The following DCAF1 variants were observed in gnomAD, a reference collection of about 807,000 sequenced individuals.
The protein encoded by DCAF1 is DDB1 and CUL4 associated factor 1, also known as DDB1- and CUL4-associated factor 1.
A neutral mutation model predicts 128.0 loss-of-function variants in DCAF1; 15 were observed. The ratio of observed to expected loss-of-function variants is 0.12; its 90% CI spans 0.08 to 0.18. The LOEUF is 0.18. Ranked by LOEUF, DCAF1 falls within the 10% of genes least tolerant of loss-of-function variation. DCAF1 has a pLI of 1.00. For missense variants in DCAF1, 988 were observed against 1,649.5 expected (o/e 0.60, Z 6.95); for synonymous variants, 610 against 603.0 (o/e 1.01, Z -0.17).
At chr3:51,441,121 T>C (rs1553638537) in intron 8 of DCAF1, 50 bp from the exon 9 acceptor site, 2 of 1,483,624 alleles carry the variant, frequency 1.3e-6, no homozygotes, top group Admixed American at 1.9e-5. Flanking sequence ...TATTGTCATG[T>C]ATTTCCTATT....
At chr3:51,408,662 A>G (rs1249882758) in intron 23 of DCAF1, among the ~76,000 whole-genome samples, 1 of 152,326 alleles carries the variant, frequency 6.6e-6, no homozygotes, top group South Asian at 2.1e-4. Context: ...CCACCACAAG[A>G]TTCTAGAAGG....
At chr3:51,469,965 G>A (rs911805843) in intron 4 of DCAF1, among the ~76,000 whole-genome samples, 1 of 152,142 alleles carries the variant, frequency 6.6e-6, no homozygotes, top group Non-Finnish European at 1.5e-5. Context: ...TGGTTGCAGT[G>A]AGCCAAGATC....
At position 51,441,853 on chromosome 3, in the gene DCAF1, T is replaced by C. The variant is rs782230732; in HGVS notation, c.558A>G (p.Glu186=). ...LRRLRELQLQ[E]VALRQENKRP... ...GCTTGTTTTCCTGCCGCAAAGCCAC[T>C]TCCTGTAGCTGTAGCTCCCTCAGTC... is the stretch of plus-strand genomic sequence containing the variant. The change falls in exon 8 of 25, where the codon GAA becomes GAG. Residue 186 remains glutamate (E), a synonymous_variant. Transcript: ENST00000684031. 7 of 1,612,292 alleles carry C rather than the reference T, an allele frequency of 4.3e-6. No individual in the cohort carries two copies. In the South Asian group the frequency reaches 6.6e-5, roughly 15 times the overall value.
chr3:51,479,950 T>C (rs1392559091), intron 3 of DCAF1, among the ~76,000 whole-genome samples: 1 of 151,760 alleles, frequency 6.6e-6, no homozygotes, highest in Non-Finnish European at 1.5e-5. Context: ...GAGACCAACG[T>C]AGAAGGAACA....
chr3:51,459,362 A>G (rs1703287217), intron 6 of DCAF1, among the ~76,000 whole-genome samples: 1 of 152,222 alleles, frequency 6.6e-6, no homozygotes, highest in Non-Finnish European at 1.5e-5. Flanking sequence ...ACCAGGAAGA[A>G]GTTGAATCTC....
At chr3:51,429,040 T>C (rs1355243322) in intron 12 of DCAF1, among the ~76,000 whole-genome samples, 4 of 152,150 alleles carry the variant, frequency 2.6e-5, no homozygotes, top group African/African-American at 4.8e-5. Flanking sequence ...CTTCAGTTAA[T>C]CTTTTAGTTC....
intron 6 of DCAF1, among the ~76,000 whole-genome samples, chr3:51,456,038 G>C (rs1020897132): frequency 6.6e-6 from 1 of 152,204 alleles, no homozygotes; most frequent in East Asian, 1.9e-4. Flanking sequence ...TCATCTCACT[G>C]GGGAGTGCCA....
intron 3 of DCAF1, among the ~76,000 whole-genome samples, chr3:51,474,124 AATTAAACTCTCCTGGCCGG>A (rs1486920946): frequency 6.6e-6 from 1 of 151,896 alleles, no homozygotes; most frequent in African/African-American, 2.4e-5. Context: ...CAGTCTTAAG[AATTAAACTCTCCTGGCCGG>A]CGCCGTGGCT....
At chr3:51,414,065 A>G (rs782772932) in intron 19 of DCAF1, 22 bp from the exon 20 acceptor site, 10 of 1,569,624 alleles carry the variant, frequency 6.4e-6, no homozygotes, top group East Asian at 2.3e-5. Flanking sequence ...ATGGTCAAGG[A>G]AAACTATTTT....
chr3:51,495,943 A>AT (rs1553660614), intron 2 of DCAF1, among the ~76,000 whole-genome samples: 1 of 151,766 alleles, frequency 6.6e-6, no homozygotes, highest in African/African-American at 2.4e-5. Context: ...GCAGTGAGCC[A>AT]TAACTGCACC....
At chr3:51,417,816 G>A (rs1223338020) in intron 17 of DCAF1, among the ~76,000 whole-genome samples, 26 of 150,960 alleles carry the variant, frequency 1.7e-4, no homozygotes, top group African/African-American at 5.6e-4. Flanking sequence ...GGGAGGGGAG[G>A]GGAGAGGAGA....
At chr3:51,443,370 C>T (rs918135099) in intron 7 of DCAF1, among the ~76,000 whole-genome samples, 1 of 152,108 alleles carries the variant, frequency 6.6e-6, no homozygotes, top group Non-Finnish European at 1.5e-5. Flanking sequence ...GCAGGTGGAT[C>T]ATGAGGTCAG....
At chr3:51,474,616 T>G (rs1705203597) in intron 3 of DCAF1, among the ~76,000 whole-genome samples, 1 of 151,758 alleles carries the variant, frequency 6.6e-6, no homozygotes, top group African/African-American at 2.4e-5. Context: ...GTTTTTTTTT[T>G]TTTAATGTTT....
intron 2 of DCAF1, among the ~76,000 whole-genome samples, chr3:51,493,252 C>A (rs1707863220): frequency 1.3e-5 from 2 of 151,666 alleles, no homozygotes; most frequent in African/African-American, 4.8e-5. Context: ...TTAAGACCAG[C>A]CTGACCAACA....
chr3:51,403,214 A>C lies in DCAF1; in HGVS notation c.4394T>G (p.Leu1465Arg). The C allele has an allele frequency of 6.2e-7, 1 of 1,613,816 alleles. No homozygotes were observed. Among genetic ancestry groups the C allele is most frequent in the Non-Finnish European group, 8.5e-7 (1 of 1,179,850 alleles). ...SPSDEELANL[L>R]EEGEDGEDED... ...ATCCTCCCCGTCCTCTCCCTCCTCTAGAAGGTTTGCTAGCTCCTCATCAGA... is the reference window on the plus strand; with the variant it reads ...ATCCTCCCCGTCCTCTCCCTCCTCTCGAAGGTTTGCTAGCTCCTCATCAGA... Residue 1465 changes from leucine to arginine, a missense_variant, in exon 24 of 25, where the codon CTA becomes CGA. Physicochemically the swap from Leu to Arg is moderately radical, Grantham distance 102 (BLOSUM62 -2). Around this residue, in one of 11 missense-constraint regions of DCAF1, gnomAD observed 97 missense variants for 134.5 expected, o/e 0.72. Coordinates refer to ENST00000684031, the MANE Select transcript of DCAF1 (RefSeq NM_001387579.1).
chr3:51,395,879 A>ATGTT, downstream of DCAF1: 3 of 413,512 alleles, frequency 7.3e-6, no homozygotes, highest in Non-Finnish European at 1.3e-5. Context: ...CATGTTAAGC[A>ATGTT]TGTTTATTTA....
chr3:51,476,570 C>A (rs563695779), intron 3 of DCAF1, among the ~76,000 whole-genome samples: 2 of 72,704 alleles, frequency 2.8e-5, no homozygotes, highest in Admixed American at 2.1e-4. Flanking sequence ...TAAATTATAT[C>A]TCAAAAAAAA....
At chr3:51,498,948 T>C (rs1708535544) in intron 1 of DCAF1, among the ~76,000 whole-genome samples, 1 of 152,086 alleles carries the variant, frequency 6.6e-6, no homozygotes, top group African/African-American at 2.4e-5. Flanking sequence ...ATGCTACTAA[T>C]ATAAAAAATT....
At chr3:51,407,061 A>C (rs2106970982) in intron 23 of DCAF1, among the ~76,000 whole-genome samples, 1 of 151,274 alleles carries the variant, frequency 6.6e-6, no homozygotes, top group African/African-American at 2.4e-5. Flanking sequence ...GTGTGGTGGC[A>C]CATGCCTTTA....
Sources: allele counts gnomAD v4.1 joint callset (sites outside exome capture counted in the v4.1 genomes callset), GRCh38; gene constraint gnomAD v4.1.1; regional missense constraint gnomAD v4.1.1; transcripts MANE v1.5; gene names NCBI Gene and HGNC (gene_info 2026-07-23, HGNC 2026-07-21).